The following CDK14 variants were observed in gnomAD, a reference collection of about 807,000 sequenced individuals.
CDK14 encodes cyclin-dependent kinase 14.
CDK14 carries 34 observed loss-of-function variants against 60.7 expected under a neutral mutation model. The observed-to-expected ratio is 0.56, with a 90% CI of 0.43 to 0.75. The LOEUF (loss-of-function observed/expected upper bound fraction) is 0.75, where lower values mean the gene tolerates loss of function less well. Among genes scored for constraint, CDK14 ranks in the 30% least tolerant of loss-of-function variants. The pLI, the probability that CDK14 is intolerant of heterozygous loss-of-function variation, is 0.00. For missense variants in CDK14, 482 were observed against 564.1 expected (o/e 0.85, Z 1.47); for synonymous variants, 197 against 203.7 (o/e 0.97, Z 0.28).
chr7:90,967,349 C>G (rs1050967949), intron 9 of CDK14, among the ~76,000 whole-genome samples: 4 of 152,110 alleles, frequency 2.6e-5, no homozygotes, highest in Non-Finnish European at 5.9e-5. Flanking sequence ...TTACCACATG[C>G]CCTGCTTTTG....
chr7:91,117,522 T>G (rs974852259), intron 13 of CDK14, among the ~76,000 whole-genome samples: 2 of 152,142 alleles, frequency 1.3e-5, no homozygotes, highest in Non-Finnish European at 2.9e-5. Flanking sequence ...ATGTCCCTTC[T>G]CAGGAGAGAC....
chr7:90,978,844 A>G (rs1164610882), intron 9 of CDK14, among the ~76,000 whole-genome samples: 1 of 152,222 alleles, frequency 6.6e-6, no homozygotes, highest in Non-Finnish European at 1.5e-5. Flanking sequence ...ACAGTAGTGA[A>G]AAAACAGATC....
chr7:91,200,222 C>A (rs181725055), intron 14 of CDK14, among the ~76,000 whole-genome samples: 1 of 152,286 alleles, frequency 6.6e-6, no homozygotes, highest in African/African-American at 2.4e-5. Context: ...TTGAATCCAG[C>A]ATCCATATAA....
At position 91,073,928 on chromosome 7, in the gene CDK14, A is replaced by G. The variant is rs59579659; in HGVS notation, c.1106-5504A>G. On this transcript the variant is annotated intron_variant, in intron 11 of 14. Transcript: ENST00000380050. ...AGAAGGGCATTACATGATGATAAAC[A>G]GTACAATTGAAAAAGAACAACTAAC... Among the ~76,000 whole-genome samples, 1,232 of 152,260 alleles carry G rather than the reference A, an allele frequency of 8.1e-3. 19 individuals carry two copies. Among genetic ancestry groups the G allele is most frequent in the African/African-American group, 0.027 (1,136 of 41,558 alleles).
chr7:90,866,507 C>T (rs1287591304), intron 6 of CDK14, among the ~76,000 whole-genome samples: 2 of 151,922 alleles, frequency 1.3e-5, no homozygotes, highest in Non-Finnish European at 2.9e-5. Context: ...CTGGATATGA[C>T]GGGAAAGTAA....
chr7:90,720,458 A>G (rs60854166), intron 2 of CDK14, among the ~76,000 whole-genome samples: 23,566 of 152,214 alleles, frequency 0.15, 1,940 homozygotes, highest in South Asian at 0.18. Flanking sequence ...TATTTGGCCA[A>G]GTGCCCACAT....
intron 2 of CDK14, chr7:90,632,268 C>T: frequency 8.6e-6 from 2 of 233,892 alleles, no homozygotes; most frequent in Non-Finnish European, 1.8e-5. Context: ...GGAAGAGCCA[C>T]TGGGAGTCCA....
intron 5 of CDK14, among the ~76,000 whole-genome samples, chr7:90,844,957 C>T (rs1386196073): frequency 6.6e-6 from 1 of 152,140 alleles, no homozygotes; most frequent in Admixed American, 6.6e-5. Flanking sequence ...AGGTTAGTCA[C>T]AAGATGGCAG....
At chr7:90,812,079 A>G (rs1279188075) in intron 5 of CDK14, among the ~76,000 whole-genome samples, 1 of 152,190 alleles carries the variant, frequency 6.6e-6, no homozygotes, top group Non-Finnish European at 1.5e-5. Flanking sequence ...GGGATCTAGA[A>G]CTAGAAATAC....
chr7:90,938,189 C>T (rs1181234048), intron 8 of CDK14, among the ~76,000 whole-genome samples: 1 of 152,178 alleles, frequency 6.6e-6, no homozygotes, highest in Non-Finnish European at 1.5e-5. Flanking sequence ...TTGCTAAATA[C>T]AGATTTCTTT....
At chr7:90,659,837 T>TCTC (rs1800826088) in intron 2 of CDK14, among the ~76,000 whole-genome samples, 1 of 110,466 alleles carries the variant, frequency 9.1e-6, no homozygotes, top group Non-Finnish European at 1.8e-5. Flanking sequence ...CAGGGAATGC[T>TCTC]TCTCTCTCTC....
intron 5 of CDK14, among the ~76,000 whole-genome samples, chr7:90,804,141 A>C (rs1788741700): frequency 6.6e-6 from 1 of 152,224 alleles, no homozygotes; most frequent in African/African-American, 2.4e-5. Flanking sequence ...CGATATTGAG[A>C]AAGCTCCATA....
At chr7:90,857,607 T>C (rs949319651) in intron 5 of CDK14, among the ~76,000 whole-genome samples, 2 of 152,240 alleles carry the variant, frequency 1.3e-5, no homozygotes, top group African/African-American at 4.8e-5. Flanking sequence ...CTAATGCTAA[T>C]GTTACAGGAT....
At chr7:91,100,157 C>T (rs1027268081) in intron 12 of CDK14, among the ~76,000 whole-genome samples, 1 of 151,930 alleles carries the variant, frequency 6.6e-6, no homozygotes, top group African/African-American at 2.4e-5. Context: ...TTGTACTACC[C>T]CATATATGAA....
intron 10 of CDK14, among the ~76,000 whole-genome samples, chr7:91,024,407 C>G (rs1016810286): frequency 3.9e-5 from 6 of 152,126 alleles, no homozygotes; most frequent in African/African-American, 1.4e-4. Flanking sequence ...AATCCCAGCA[C>G]TTTGGAAGGC....
intron 4 of CDK14, among the ~76,000 whole-genome samples, chr7:90,753,272 CA>C (rs1294524074): frequency 1.3e-5 from 2 of 152,120 alleles, no homozygotes; most frequent in African/African-American, 2.4e-5. Context: ...AGCAGCACAT[CA>C]AAAAGATCAT....
intron 3 of CDK14, among the ~76,000 whole-genome samples, chr7:90,739,811 T>C (rs1175851789): frequency 3.3e-5 from 5 of 152,196 alleles, no homozygotes; most frequent in African/African-American, 1.2e-4. Context: ...ATTTTCCCCA[T>C]TGAAGATCAT....
intron 12 of CDK14, among the ~76,000 whole-genome samples, chr7:91,098,585 A>G (rs1285018999): frequency 6.6e-5 from 10 of 152,122 alleles, no homozygotes; most frequent in Admixed American, 6.5e-4. Flanking sequence ...CTATATCAAC[A>G]TAGAGTGCTA....
At chr7:91,137,564 T>C (rs1800316822) in intron 14 of CDK14, among the ~76,000 whole-genome samples, 1 of 152,180 alleles carries the variant, frequency 6.6e-6, no homozygotes, top group South Asian at 2.1e-4. Context: ...CAGATTTAAT[T>C]AACTTTCTAA....
Sources: allele counts gnomAD v4.1 joint callset (sites outside exome capture counted in the v4.1 genomes callset), GRCh38; gene constraint gnomAD v4.1.1; transcripts MANE v1.5; gene names NCBI Gene and HGNC (gene_info 2026-07-23, HGNC 2026-07-21).